The following CREM variants were observed in gnomAD, a reference collection of about 807,000 sequenced individuals.
CREM encodes the protein cAMP-responsive element modulator.
In CREM, 13 loss-of-function variants were observed where a neutral mutation model predicts 37.3. The observed-to-expected ratio is 0.35, with a 90% CI of 0.23 to 0.55. CREM has a LOEUF of 0.55. CREM is among the 20% of genes least tolerant of loss of function. The pLI, the probability that CREM is intolerant of heterozygous loss-of-function variation, is 0.88. For missense variants in CREM, 296 were observed against 362.3 expected (o/e 0.82, Z 1.49); for synonymous variants, 124 against 120.2 (o/e 1.03, Z -0.21).
chr10:35,209,437 G>A (rs904202736), intron 7 of CREM: 1 of 881,438 alleles, frequency 1.1e-6, no homozygotes, highest in African/African-American at 1.8e-5. Flanking sequence ...TGGCTGAGGA[G>A]TGCTTAGGAA....
At chr10:35,184,117 G>A (rs183308150) in intron 5 of CREM, among the ~76,000 whole-genome samples, 19 of 152,168 alleles carry the variant, frequency 1.2e-4, no homozygotes, top group Non-Finnish European at 2.1e-4. Flanking sequence ...GTATAACATC[G>A]CCAGGCTTGG....
intron 3 of CREM, 101 bp downstream of exon 3, chr10:35,148,592 C>G (rs564145610): frequency 7.7e-6 from 10 of 1,292,144 alleles, no homozygotes; most frequent in Middle Eastern, 1.9e-4. Context: ...TTCCATGTTC[C>G]CTGGTTATCA....
At chr10:35,156,847 T>C (rs879930247) in intron 3 of CREM, among the ~76,000 whole-genome samples, 2 of 152,068 alleles carry the variant, frequency 1.3e-5, no homozygotes, top group Admixed American at 1.3e-4. Flanking sequence ...GAAAAACACA[T>C]GTCTTTAAAC....
intron 1 of CREM, among the ~76,000 whole-genome samples, chr10:35,130,503 T>TA (rs2089151013): frequency 6.6e-6 from 1 of 152,248 alleles, no homozygotes; most frequent in Admixed American, 6.5e-5. Flanking sequence ...CCTTAAGTCT[T>TA]ACTGCACTGA....
chr10:35,147,041 G>GTTTTT (rs755346866), intron 2 of CREM, among the ~76,000 whole-genome samples: 4 of 121,006 alleles, frequency 3.3e-5, no homozygotes, highest in East Asian at 5.4e-4. Context: ...AGTTTTTTGG[G>GTTTTT]TTTTTTTTTT....
chr10:35,207,017 A>G lies in CREM; in HGVS notation c.721A>G (p.Thr241Ala), dbSNP rs1427645657. Residue 241 changes from threonine (T) to alanine (A), a missense_variant, in exon 7 of 8, where the codon ACA (threonine) becomes GCA (alanine). Thr to Ala is a moderately conservative substitution (Grantham distance 58). Transcript: ENST00000685392. ...HSPQQLAEEA[T>A]RKRELRLMKN... The stretch of plus-strand genomic sequence containing the variant: ...TCCCCAGCAGCTGGCAGAAGAAGCA[A>G]CACGCAAACGAGAGCTGAGGCTAAT... The G allele has an allele frequency of 6.2e-7, 1 of 1,614,092 alleles. No homozygotes were observed. The highest frequency in any genetic ancestry group is 1.7e-5 in the Admixed American group (1 of 60,012).
intron 1 of CREM, among the ~76,000 whole-genome samples, chr10:35,130,839 A>G (rs1338741599): frequency 4.6e-5 from 7 of 152,210 alleles, no homozygotes; most frequent in Admixed American, 3.3e-4. Flanking sequence ...GTTGCCTAAT[A>G]TTTCTAAGAA....
In CREM at chr10:35,138,746, G is replaced by A. The variant is rs113137439; in HGVS notation, c.44+867G>A. The stretch of plus-strand genomic sequence containing the variant: ...TACTAAAAAAAATTTTTTTTAGGCC[G>A]GGTGCAGTGGCTTAATCTGTAATCC... On this transcript the variant is annotated intron_variant, in intron 2 of 7. Transcript: ENST00000685392. Among the ~76,000 whole-genome samples, 931 of 150,992 alleles carry A rather than the reference G, an allele frequency of 6.2e-3. 12 individuals are homozygous for A. The highest frequency in any genetic ancestry group is 0.021 in the African/African-American group (880 of 41,208).
chr10:35,170,112 G>A (rs1046705578), intron 3 of CREM, among the ~76,000 whole-genome samples: 2 of 151,812 alleles, frequency 1.3e-5, no homozygotes, highest in African/African-American at 4.8e-5. Context: ...ACAGGCACCC[G>A]CCACCACACC....
rs140809313 is a variant in CREM at position 35,178,915 on chromosome 10, A to G, written c.195A>G (p.Glu65=). Residue 65 remains glutamate, a synonymous_variant, in exon 4 of 8, where the codon GAA becomes GAG. Transcript: ENST00000685392. Reference sequence around the variant, plus strand: ...TAGCAGCAATTGCAGAGACAGATGAATCTGCAGAATCAGAAGGTGTAATTG... The same window carrying G: ...TAGCAGCAATTGCAGAGACAGATGAGTCTGCAGAATCAGAAGGTGTAATTG... ...AQVAAIAETD[E]SAESEGVIDS... 2 of 1,613,304 alleles carry G rather than the reference A, an allele frequency of 1.2e-6. No homozygotes were observed. The highest frequency in any genetic ancestry group is 2.7e-5 in the African/African-American group (2 of 74,906).
At chr10:35,187,097 TA>T (rs1486469009) in intron 5 of CREM, among the ~76,000 whole-genome samples, 5 of 58,898 alleles carry the variant, frequency 8.5e-5, no homozygotes, top group East Asian at 4.2e-4. Context: ...ATATAATATA[TA>T]TGATATATAT....
rs146676068 is a variant in CREM at position 35,148,447 on chromosome 10, G to C, written c.124G>C (p.Val42Leu). 185 of 1,613,786 alleles carry C rather than the reference G, an allele frequency of 1.1e-4. No homozygotes were observed. The African/African-American group carries it at 2.1e-3, about 18-fold the overall frequency. ...TTTGACAGAGAGCAAGTCTGCTCAT[G>C]TGCAGACTCAGACTGGCCAAAATTC... ...ASLTESKSAH[V>L]QTQTGQNSIP... The change falls in exon 3 of 8, where the codon GTG becomes CTG. Residue 42 changes from valine to leucine, a missense_variant. Val to Leu is a conservative substitution (Grantham distance 32). Around this residue, in one of 2 missense-constraint regions of CREM, gnomAD observed 257 missense variants for 280.2 expected, o/e 0.92. Transcript: ENST00000685392.
rs370248344 is a variant in CREM, at chr10:35,145,776, C to CAAA, written c.45-2571_45-2569dup. Among the ~76,000 whole-genome samples, 425 of 83,938 alleles carry CAAA rather than the reference C, an allele frequency of 5.1e-3. 4 individuals carry two copies. Among genetic ancestry groups the CAAA allele is most frequent in the African/African-American group, 6.5e-3 (126 of 19,316 alleles). 55.1% of individuals were successfully genotyped at this position (83,938 alleles called of 152,430 possible). On this transcript the variant is annotated intron_variant, in intron 2 of 7. Coordinates refer to ENST00000685392, the MANE Select transcript of CREM (RefSeq NM_183011.2). Reference sequence around the variant, plus strand: ...GGGTTGACAGAGTGAGACTCTGCCTCAAAAAAAAAAAAAAAAAAAAAAAGA... The same window carrying CAAA: ...GGGTTGACAGAGTGAGACTCTGCCTCAAAAAAAAAAAAAAAAAAAAAAAAAAGA...
At chr10:35,195,198 A>G (rs2095100316) in intron 6 of CREM, 1 of 1,613,882 alleles carries the variant, frequency 6.2e-7, no homozygotes, top group Non-Finnish European at 8.5e-7. Context: ...TTATGGCTGT[A>G]ACTGGAGATG....
At chr10:35,143,277 G>A (rs1437617701) in intron 2 of CREM, among the ~76,000 whole-genome samples, 1 of 152,090 alleles carries the variant, frequency 6.6e-6, no homozygotes, top group African/African-American at 2.4e-5. Context: ...CTGGGAAACA[G>A]TAATTAAAAT....
At position 35,188,394 on chromosome 10, in the gene CREM, T is replaced by G; in HGVS notation, c.598+6T>G. The G allele has an allele frequency of 5.0e-6, 8 of 1,607,210 alleles. No homozygotes were observed. The highest frequency in any genetic ancestry group is 6.8e-6 in the Non-Finnish European group (8 of 1,176,586). ...CAGCCAGGTTGTTGTTCAAGGTATA[T>G]TTTATTAATCTAATACATTTAGAAT... is the stretch of plus-strand genomic sequence containing the variant. On this transcript the variant is annotated splice_donor_region_variant and intron_variant, in intron 6 of 7. Coordinates refer to ENST00000685392, the MANE Select transcript of CREM (RefSeq NM_183011.2).
rs185458928 is a variant in CREM, at chr10:35,162,012, C to T, written c.168+13521C>T. ...AGCACTATGCATAATGGCCAAGATA[C>T]GGAATCAGCCTCGGTGTTCATCAGT... On this transcript the variant is annotated intron_variant, in intron 3 of 7. Coordinates refer to ENST00000685392, the MANE Select transcript of CREM (RefSeq NM_183011.2). Among the ~76,000 whole-genome samples the T allele has an allele frequency of 6.0e-3, 916 of 152,136 alleles. 12 individuals are homozygous for T. The highest frequency in any genetic ancestry group is 0.021 in the African/African-American group (867 of 41,472).
intron 3 of CREM, among the ~76,000 whole-genome samples, chr10:35,160,418 T>A (rs964032893): frequency 3.0e-4 from 45 of 152,104 alleles, no homozygotes; most frequent in African/African-American, 1.1e-3. Context: ...TCTTTTTTTT[T>A]AATAGAATTT....
chr10:35,166,793 A>G (rs1315158412), intron 3 of CREM, among the ~76,000 whole-genome samples: 1 of 152,116 alleles, frequency 6.6e-6, no homozygotes, highest in Non-Finnish European at 1.5e-5. Context: ...ATGAAGACCA[A>G]CTACATTTTT....
Sources: gnomAD v4.1 joint callset for allele counts (sites outside exome capture counted in the v4.1 genomes callset) on GRCh38, gnomAD v4.1.1 for gene constraint, gnomAD v4.1.1 regional missense constraint, MANE v1.5 for transcripts, NCBI Gene and HGNC (gene_info 2026-07-23, HGNC 2026-07-21) for gene names.